The following ENOX1 variants were observed in gnomAD, a reference collection of about 807,000 sequenced individuals.
ENOX1 encodes the protein ecto-NOX disulfide-thiol exchanger 1, also known as candidate growth-related and time keeping constitutive hydroquinone (NADH) oxidase.
A neutral mutation model predicts 82.5 loss-of-function variants in ENOX1; 42 were observed. That is an observed-to-expected ratio of 0.51 (90% confidence interval 0.40 to 0.66). The LOEUF is 0.66. ENOX1 is among the 30% of genes least tolerant of loss of function. The pLI, the probability that ENOX1 is intolerant of heterozygous loss-of-function variation, is 0.00. For synonymous variants in ENOX1, 271 were observed against 282.2 expected (o/e 0.96, Z 0.40); for missense variants, 608 against 811.6 (o/e 0.75, Z 3.05).
chr13:43,619,983 G>A (rs1566650567), intron 2 of ENOX1, among the ~76,000 whole-genome samples: 1 of 151,994 alleles, frequency 6.6e-6, no homozygotes, highest in Non-Finnish European at 1.5e-5. Context: ...TAAGCTAGGA[G>A]GGTTGTATTT....
intron 1 of ENOX1, among the ~76,000 whole-genome samples, chr13:43,710,150 G>A (rs538367571): frequency 6.6e-6 from 1 of 152,170 alleles, no homozygotes; most frequent in South Asian, 2.1e-4. Flanking sequence ...GAGGGGAGAG[G>A]AAAAAGAGGG....
chr13:43,387,622 G>T (rs1160515816), intron 5 of ENOX1, among the ~76,000 whole-genome samples: 1 of 151,900 alleles, frequency 6.6e-6, no homozygotes, highest in African/African-American at 2.4e-5. Context: ...AGGTGAAAAA[G>T]AAAGGTTTAA....
At chr13:43,581,147 T>G in intron 2 of ENOX1, among the ~76,000 whole-genome samples, 1 of 138,454 alleles carries the variant, frequency 7.2e-6, no homozygotes, top group Non-Finnish European at 1.5e-5. Flanking sequence ...TTTTTTTTTT[T>G]TTTGAGACGG....
intron 2 of ENOX1, among the ~76,000 whole-genome samples, chr13:43,595,832 C>A (rs187539191): frequency 5.3e-5 from 8 of 152,308 alleles, no homozygotes; most frequent in Admixed American, 3.9e-4. Context: ...AGTGTCTGTT[C>A]TTTTCTTTAC....
chr13:43,439,789 TGTAA>T (rs1400909315), intron 3 of ENOX1, among the ~76,000 whole-genome samples: 9 of 152,218 alleles, frequency 5.9e-5, no homozygotes, highest in Non-Finnish European at 4.4e-5. Flanking sequence ...CTATCGTGTA[TGTAA>T]GCACTGACCT....
intron 1 of ENOX1, among the ~76,000 whole-genome samples, chr13:43,719,837 A>G (rs1202700987): frequency 6.6e-6 from 1 of 152,120 alleles, no homozygotes; most frequent in African/African-American, 2.4e-5. Context: ...CTCTTGCCCA[A>G]TTCTGACCTT....
intron 2 of ENOX1, among the ~76,000 whole-genome samples, chr13:43,590,316 G>T (rs1464699095): frequency 6.6e-6 from 1 of 151,772 alleles, no homozygotes; most frequent in Non-Finnish European, 1.5e-5. Flanking sequence ...GAGTGACAAA[G>T]AAAACAGAAA....
At chr13:43,337,255 C>T (rs1293940995) in intron 9 of ENOX1, among the ~76,000 whole-genome samples, 1 of 152,094 alleles carries the variant, frequency 6.6e-6, no homozygotes, top group Non-Finnish European at 1.5e-5. Flanking sequence ...CTTCTATGTG[C>T]TTACAAGAAT....
chr13:43,281,745 C>T (rs1357689751), intron 12 of ENOX1, among the ~76,000 whole-genome samples: 3 of 152,154 alleles, frequency 2.0e-5, no homozygotes, highest in Non-Finnish European at 4.4e-5. Flanking sequence ...TTTAAGTTTT[C>T]ACTGTAGAAA....
At chr13:43,359,689 G>T (rs902562742) in intron 7 of ENOX1, 162 bp downstream of exon 7, 55 of 647,064 alleles carry the variant, frequency 8.5e-5, no homozygotes, top group Non-Finnish European at 1.0e-4. Flanking sequence ...CACAGGCTTA[G>T]CGCAGAGCTT....
intron 9 of ENOX1, among the ~76,000 whole-genome samples, chr13:43,341,979 T>C (rs1255726939): frequency 6.6e-6 from 1 of 152,162 alleles, no homozygotes; most frequent in Non-Finnish European, 1.5e-5. Context: ...TCTCTTTTCT[T>C]ATGTGATTTC....
chr13:43,264,101 C>T (rs1416466078), intron 14 of ENOX1, among the ~76,000 whole-genome samples: 5 of 152,178 alleles, frequency 3.3e-5, no homozygotes, highest in Middle Eastern at 3.2e-3. Flanking sequence ...AGAAACCATA[C>T]GTGTAACACC....
At chr13:43,480,649 A>G (rs2058471818) in intron 3 of ENOX1, among the ~76,000 whole-genome samples, 1 of 152,194 alleles carries the variant, frequency 6.6e-6, no homozygotes, top group South Asian at 2.1e-4. Context: ...CATAAATGAA[A>G]GAGGAGACAT....
intron 14 of ENOX1, among the ~76,000 whole-genome samples, chr13:43,260,937 T>C (rs984712449): frequency 3.3e-5 from 5 of 152,328 alleles, no homozygotes; most frequent in Admixed American, 1.3e-4. Context: ...CAGTTCCAAC[T>C]ACAAAGAGAA....
intron 2 of ENOX1, among the ~76,000 whole-genome samples, chr13:43,602,222 ACACAT>A (rs1019869240): frequency 2.0e-5 from 3 of 152,124 alleles, no homozygotes; most frequent in African/African-American, 7.2e-5. Context: ...ATGCACACAC[ACACAT>A]CACAATATAC....
At chr13:43,720,035 T>C (rs1455831183) in intron 1 of ENOX1, among the ~76,000 whole-genome samples, 1 of 152,192 alleles carries the variant, frequency 6.6e-6, no homozygotes, top group Admixed American at 6.5e-5. Flanking sequence ...ACTGTAATCA[T>C]TCTAAAAATA....
intron 2 of ENOX1, among the ~76,000 whole-genome samples, chr13:43,580,956 G>T (rs1190787912): frequency 6.6e-6 from 1 of 152,020 alleles, no homozygotes; most frequent in East Asian, 1.9e-4. Context: ...TGAAGCAGGT[G>T]GTAATGAAAG....
chr13:43,709,163 G>T (rs563751281), intron 1 of ENOX1, among the ~76,000 whole-genome samples: 4 of 152,152 alleles, frequency 2.6e-5, no homozygotes, highest in Middle Eastern at 3.4e-3. Flanking sequence ...TGCAAAAGGC[G>T]AATTAGTATA....
chr13:43,650,553 C>G (rs2084112497), intron 2 of ENOX1, among the ~76,000 whole-genome samples: 1 of 152,088 alleles, frequency 6.6e-6, no homozygotes, highest in Non-Finnish European at 1.5e-5. Context: ...AACCCAGGAG[C>G]TTGGCCGCGC....
Sources: allele counts gnomAD v4.1 joint callset (sites outside exome capture counted in the v4.1 genomes callset), GRCh38; gene constraint gnomAD v4.1.1; transcripts MANE v1.5; gene names NCBI Gene and HGNC (gene_info 2026-07-23, HGNC 2026-07-21).